EDA: variants seen among roughly 807,000 people sequenced by gnomAD.
EDA encodes ectodysplasin-A.
A neutral mutation model predicts 23.6 loss-of-function variants in EDA; 2 were observed. The ratio of observed to expected loss-of-function variants is 0.08; its 90% CI spans 0.03 to 0.27. EDA has a LOEUF of 0.27. Among genes scored for constraint, EDA ranks in the 10% least tolerant of loss-of-function variants. The probability of loss-of-function intolerance (pLI) is 1.00; values close to 1 mark genes in which losing one functional copy is unlikely to be tolerated. For missense variants in EDA, 229 were observed against 324.2 expected (o/e 0.71, Z 2.26); for synonymous variants, 131 against 132.0 (o/e 0.99, Z 0.05).
At chrX:69,756,441 C>T (rs2014121824) in intron 1 of EDA, among the ~76,000 whole-genome samples, 1 of 111,424 alleles carries the variant, frequency 9.0e-6, no homozygotes, top group African/African-American at 3.3e-5. Flanking sequence ...TTATAAGCAG[C>T]ACATTTATCT....
intron 6 of EDA, among the ~76,000 whole-genome samples, chrX:70,032,356 C>G (rs925773801): frequency 9.0e-5 from 10 of 110,833 alleles, no homozygotes; most frequent in Non-Finnish European, 1.9e-4. Flanking sequence ...CAGGGCAGCT[C>G]CTAGCCCATC....
At chrX:69,924,366 T>C (rs758910216) in intron 1 of EDA, among the ~76,000 whole-genome samples, 6 of 110,578 alleles carry the variant, frequency 5.4e-5, no homozygotes, top group Non-Finnish European at 1.1e-4. Context: ...AGGGGTCCAG[T>C]TTCAAATTTC....
At chrX:69,860,129 T>C (rs1243405410) in intron 1 of EDA, among the ~76,000 whole-genome samples, 1 of 111,576 alleles carries the variant, frequency 9.0e-6, no homozygotes, top group Non-Finnish European at 1.9e-5. Context: ...CCATTGCATG[T>C]GAGATGGATC....
At chrX:69,737,526 G>T (rs1276248266) in intron 1 of EDA, among the ~76,000 whole-genome samples, 2 of 111,721 alleles carry the variant, frequency 1.8e-5, no homozygotes, top group Non-Finnish European at 3.8e-5. Flanking sequence ...CTCATCCTTT[G>T]TGCCATTGTT....
At chrX:69,796,378 T>A (rs1219374530) in intron 1 of EDA, among the ~76,000 whole-genome samples, 1 of 111,656 alleles carries the variant, frequency 9.0e-6, no homozygotes, top group African/African-American at 3.3e-5. Flanking sequence ...CAGGACCACC[T>A]AGAATCCCAC....
chrX:69,793,921 C>CT (rs2015481091), intron 1 of EDA, among the ~76,000 whole-genome samples: 2 of 111,254 alleles, frequency 1.8e-5, no homozygotes, highest in South Asian at 7.6e-4. Flanking sequence ...GAAAACTCGT[C>CT]TCTGGCAAAA....
At chrX:69,931,684 A>G (rs2018601279) in intron 1 of EDA, among the ~76,000 whole-genome samples, 1 of 111,849 alleles carries the variant, frequency 8.9e-6, no homozygotes, top group Non-Finnish European at 1.9e-5. Flanking sequence ...AAAAAGACTG[A>G]CCATACCAAG....
At chrX:69,814,222 A>G (rs1369630079) in intron 1 of EDA, among the ~76,000 whole-genome samples, 1 of 112,751 alleles carries the variant, frequency 8.9e-6, no homozygotes, top group Non-Finnish European at 1.9e-5. Context: ...GCAACCGTCT[A>G]TACCACATAT....
At chrX:69,798,672 C>T (rs1297940737) in intron 1 of EDA, among the ~76,000 whole-genome samples, 2 of 110,733 alleles carry the variant, frequency 1.8e-5, no homozygotes, top group Admixed American at 9.6e-5. Context: ...GAAGCAGTGC[C>T]AAGAGGGAAG....
chrX:69,939,839 A>C (rs1310672638), intron 1 of EDA, among the ~76,000 whole-genome samples: 1 of 112,064 alleles, frequency 8.9e-6, no homozygotes, highest in African/African-American at 3.2e-5. Context: ...CATCAATTGA[A>C]ATGATCATAT....
In EDA at chrX:70,029,499, T is replaced by C. The variant is rs761304256; in HGVS notation, c.707-5T>C. On this transcript the variant is annotated splice_region_variant and splice_polypyrimidine_tract_variant and intron_variant, in intron 4 of 7. Coordinates refer to ENST00000374552, the MANE Select transcript of EDA (RefSeq NM_001399.5). The stretch of plus-strand genomic sequence containing the variant: ...GCCCTCTGATTGTCCTATCCTATTT[T>C]GCAGGTGCTGCTGATAAAGCTGGAA... 6 of 1,212,058 alleles carry C rather than the reference T, an allele frequency of 5.0e-6. No individual in the cohort carries two copies. The highest frequency in any genetic ancestry group is 6.7e-6 in the Non-Finnish European group (6 of 895,382).
At chrX:69,878,715 G>GACACACACAC (rs61027280) in intron 1 of EDA, among the ~76,000 whole-genome samples, 3 of 99,105 alleles carry the variant, frequency 3.0e-5, no homozygotes, top group Non-Finnish European at 4.1e-5. Context: ...CCTTCACCAA[G>GACACACACAC]ACACACACAC....
chrX:69,698,422 G>A (rs754944168), intron 1 of EDA, among the ~76,000 whole-genome samples: 1 of 111,396 alleles, frequency 9.0e-6, no homozygotes, highest in Non-Finnish European at 1.9e-5. Context: ...ATCTGTGCCT[G>A]CAAGACAGTT....
intron 3 of EDA, among the ~76,000 whole-genome samples, chrX:70,024,580 C>T (rs1273529625): frequency 1.8e-5 from 2 of 112,842 alleles, no homozygotes; most frequent in Non-Finnish European, 1.9e-5. Context: ...GTGTACGGGA[C>T]ATTATTGAGA....
intron 7 of EDA, among the ~76,000 whole-genome samples, chrX:70,034,807 C>G (rs189587370): frequency 2.5e-3 from 282 of 111,894 alleles, no homozygotes; most frequent in African/African-American, 8.8e-3. Flanking sequence ...CCAAGGGGCA[C>G]TGTGAATCAG....
At chrX:69,922,567 T>G (rs1013557997) in intron 1 of EDA, among the ~76,000 whole-genome samples, 15 of 112,413 alleles carry the variant, frequency 1.3e-4, no homozygotes, top group Admixed American at 1.2e-3. Context: ...TGCCCACCTT[T>G]GAGTGGTTAT....
At chrX:69,850,298 G>A (rs2017099550) in intron 1 of EDA, among the ~76,000 whole-genome samples, 1 of 112,061 alleles carries the variant, frequency 8.9e-6, no homozygotes, top group Admixed American at 9.5e-5. Flanking sequence ...TAGTAGAGTT[G>A]GTCTGATTCA....
chrX:69,838,475 AAATT>A (rs1388537825), intron 1 of EDA, among the ~76,000 whole-genome samples: 7 of 111,124 alleles, frequency 6.3e-5, no homozygotes, highest in Admixed American at 9.5e-5. Context: ...AATATACAAA[AAATT>A]AGCCGGGCGT....
chrX:69,743,976 A>C (rs746169762), intron 1 of EDA, among the ~76,000 whole-genome samples: 1 of 111,885 alleles, frequency 8.9e-6, no homozygotes, highest in South Asian at 3.8e-4. Flanking sequence ...TTACAAGATA[A>C]GTTTAATTAT....
Sources: allele counts gnomAD v4.1 joint callset (sites outside exome capture counted in the v4.1 genomes callset), GRCh38; gene constraint gnomAD v4.1.1; transcripts MANE v1.5; gene names NCBI Gene and HGNC (gene_info 2026-07-23, HGNC 2026-07-21).